The following HTATSF1 variants were observed in gnomAD, a reference collection of about 807,000 sequenced individuals.
HTATSF1 encodes 17S U2 SnRNP complex component HTATSF1.
In HTATSF1, 6 loss-of-function variants were observed where a neutral mutation model predicts 46.1. That is an observed-to-expected ratio of 0.13 (90% CI 0.07 to 0.26). The LOEUF (loss-of-function observed/expected upper bound fraction) is 0.26. HTATSF1 is among the 10% of genes least tolerant of loss of function. The pLI is 1.00. For synonymous variants in HTATSF1, 226 were observed against 211.5 expected, an observed-to-expected ratio of 1.07 and a Z score of -0.60; for missense variants, 452 against 559.9, an observed-to-expected ratio of 0.81 and a Z score of 1.94.
Position 136,511,829 on chromosome X carries a change from A to G in HTATSF1, c.2084A>G (p.Lys695Arg). Reference sequence around the variant, plus strand: ...AAGGAAGTTGAAGATGCTGACGAAAAGTTGTTCGAAGATGATGATTCCAAT... The same window carrying G: ...AAGGAAGTTGAAGATGCTGACGAAAGGTTGTTCGAAGATGATGATTCCAAT... ...DGKEVEDADE[K>R]LFEDDDSNEK... Residue 695 changes from lysine (K) to arginine (R), a missense_variant, in exon 9 of 9, where the codon AAG (lysine) becomes AGG (arginine). By Grantham distance (26) the Lys-to-Arg change is conservative. Around this residue, in one of 3 missense-constraint regions of HTATSF1, gnomAD observed 246 missense variants for 245.3 expected, o/e 1.00. Transcript: ENST00000218364. The G allele has an allele frequency of 4.1e-6, 5 of 1,211,333 alleles. No homozygotes were observed. Among genetic ancestry groups the G allele is most frequent in the Non-Finnish European group, 5.6e-6 (5 of 895,290 alleles).
chrX:136,500,473 C>T (rs1014827982), intron 3 of HTATSF1, among the ~76,000 whole-genome samples, 191 bp from the exon 4 acceptor site: 2 of 111,952 alleles, frequency 1.8e-5, no homozygotes, highest in African/African-American at 6.5e-5. Flanking sequence ...CTCAAGAAAG[C>T]ATAATTTTAA....
chrX:136,507,058 T>G (rs1280775473), intron 6 of HTATSF1, among the ~76,000 whole-genome samples: 1 of 112,124 alleles, frequency 8.9e-6, no homozygotes, highest in African/African-American at 3.2e-5. Context: ...TTGATAGAAG[T>G]GTCCAACAGG....
intron 6 of HTATSF1, among the ~76,000 whole-genome samples, chrX:136,505,208 T>C (rs765629458): frequency 1.8e-4 from 20 of 112,414 alleles, no homozygotes; most frequent in African/African-American, 5.8e-4. Flanking sequence ...TAGCAAGTTA[T>C]ACAGAGAAAA....
In HTATSF1 at chrX:136,511,938, G is replaced by A; in HGVS notation, c.2193G>A (p.Gly731=). The A allele has an allele frequency of 8.3e-7, 1 of 1,211,440 alleles. No homozygotes were observed. The highest frequency in any genetic ancestry group is 1.1e-6 in the Non-Finnish European group (1 of 895,240). The part of the protein sequence containing the change: ...SDERGTLGGF[G]SVEEGPLSTG... ...AGAGGGGGACTTTGGGTGGTTTTGG[G>A]AGTGTTGAAGAAGGGCCCCTATCCA... The change falls in exon 9 of 9, where the codon GGG becomes GGA. Residue 731 remains glycine (G), a synonymous_variant. Coordinates refer to ENST00000218364, the MANE Select transcript of HTATSF1 (RefSeq NM_014500.5).
chrX:136,504,114 G>A (rs903724464), intron 5 of HTATSF1, among the ~76,000 whole-genome samples: 12 of 111,347 alleles, frequency 1.1e-4, no homozygotes, highest in African/African-American at 3.6e-4. Context: ...CAAGTGATCC[G>A]CCCGCCTCGG....
In HTATSF1 at chrX:136,504,414, A is replaced by G; in HGVS notation, c.785A>G (p.His262Arg). 1 of 1,210,295 alleles carries G rather than the reference A, an allele frequency of 8.3e-7. No homozygotes were observed. The highest frequency in any genetic ancestry group is 1.1e-6 in the Non-Finnish European group (1 of 894,717). ...ERRAGPSRMR[H>R]ERVVIIKNMF... ...CGAGCCGGACCATCCCGGATGCGCC[A>G]TGAGCGAGTTGTCATCATCAAGAAT... The change falls in exon 6 of 9, where the codon CAT becomes CGT. Residue 262 changes from histidine (H) to arginine (R), a missense_variant. Coordinates refer to ENST00000218364, the MANE Select transcript of HTATSF1 (RefSeq NM_014500.5).
intron 6 of HTATSF1, among the ~76,000 whole-genome samples, chrX:136,506,417 GTGAGCTCCA>G (rs2075742431): frequency 9.0e-6 from 1 of 111,368 alleles, no homozygotes. Context: ...CTACTAGAAT[GTGAGCTCCA>G]TGACACCCAG....
Position 136,511,133 on chromosome X carries a change from C to T in HTATSF1, c.1388C>T (p.Pro463Leu), listed in dbSNP as rs1453215364. 1 of 1,209,140 alleles carries T rather than the reference C, an allele frequency of 8.3e-7. No individual in the cohort carries two copies. Among genetic ancestry groups the T allele is most frequent in the South Asian group, 1.8e-5 (1 of 56,384 alleles). The change falls in exon 9 of 9, where the codon CCT (proline) becomes CTT (leucine). Residue 463 changes from proline to leucine, a missense_variant. Pro to Leu is a moderately conservative substitution (Grantham distance 98). This residue lies in a region of HTATSF1 where 246 missense variants were observed against 245.3 expected (regional missense o/e 1.00). Transcript: ENST00000218364. The part of the protein sequence containing the change: ...SPEKEAEEGC[P>L]EKESEEGCPK... ...GAAAAAGAGGCTGAAGAAGGCTGCC[C>T]TGAAAAAGAATCTGAAGAGGGCTGC...
chrX:136,511,014 A>G lies in HTATSF1; in HGVS notation c.1269A>G (p.Glu423=), dbSNP rs1877919738. 1 of 1,211,346 alleles carries G rather than the reference A, an allele frequency of 8.3e-7. No individual in the cohort carries two copies. The highest frequency in any genetic ancestry group is 1.7e-5 in the African/African-American group (1 of 57,788). Residue 423 remains glutamate, a synonymous_variant, in exon 9 of 9, where the codon GAA becomes GAG. Coordinates refer to ENST00000218364, the MANE Select transcript of HTATSF1 (RefSeq NM_014500.5). ...AQETATGMAF[E]EPIDEKKFEK... is the part of the protein sequence containing the mutation. ...AAACTGCAACTGGAATGGCGTTTGA[A>G]GAACCTATAGATGAGAAGAAGTTTG... is the stretch of plus-strand genomic sequence containing the variant.
intron 4 of HTATSF1, among the ~76,000 whole-genome samples, chrX:136,501,862 T>C (rs1227171934): frequency 8.9e-6 from 1 of 111,918 alleles, no homozygotes; most frequent in Non-Finnish European, 1.9e-5. Context: ...TTGAGGGTTT[T>C]ATAAGTTCTT....
chrX:136,509,813 A>G (rs1012424864), intron 7 of HTATSF1, among the ~76,000 whole-genome samples: 9 of 112,113 alleles, frequency 8.0e-5, no homozygotes, highest in African/African-American at 2.9e-4. Context: ...ACTCTTAACA[A>G]TTATACTGTC....
chrX:136,510,996 A>C lies in HTATSF1; in HGVS notation c.1251A>C (p.Ala417=). Residue 417 remains alanine, a synonymous_variant, in exon 9 of 9, where the codon GCA becomes GCC. Coordinates refer to ENST00000218364, the MANE Select transcript of HTATSF1 (RefSeq NM_014500.5). ...CTAAAATGAATGCTCAAGAAACTGC[A>C]ACTGGAATGGCGTTTGAAGAACCTA... The part of the protein sequence containing the change: ...STSKMNAQET[A]TGMAFEEPID... The C allele has an allele frequency of 8.3e-7, 1 of 1,211,763 alleles. No individual in the cohort carries two copies. Among genetic ancestry groups the C allele is most frequent in the Non-Finnish European group, 1.1e-6 (1 of 895,383 alleles).
At chrX:136,497,539 G>C, upstream of HTATSF1, 2 of 390,461 alleles carry the variant, frequency 5.1e-6, no homozygotes, top group East Asian at 8.7e-5. Flanking sequence ...CGATTTCCCG[G>C]GGACTGCTGG....
intron 3 of HTATSF1, 130 bp downstream of exon 3, chrX:136,500,335 T>C (rs1480219375): frequency 1.9e-6 from 1 of 514,782 alleles, no homozygotes; most frequent in African/African-American, 2.4e-5. Context: ...TGTTCAGCCA[T>C]TTATATTAGT....
intron 6 of HTATSF1, 126 bp from the exon 7 acceptor site, chrX:136,508,965 A>C: frequency 2.0e-6 from 1 of 494,919 alleles, no homozygotes. Context: ...AATTGTATAG[A>C]ATGAAAAACA....
At chrX:136,497,237 A>G (rs945319732), upstream of HTATSF1, 1 of 111,372 alleles carries the variant, frequency 9.0e-6, no homozygotes, top group African/African-American at 3.2e-5. Context: ...GCGACCCGCG[A>G]CGTCGCCACG....
At position 136,509,129 on chromosome X, in the gene HTATSF1, T is replaced by G. The variant is rs1441130001; in HGVS notation, c.873T>G (p.Leu291=). 8.3e-7 allele frequency: 1 copy of G among 1,209,032 alleles called. No individual in the cohort carries two copies. Residue 291 remains leucine, a synonymous_variant, in exon 7 of 9, where the codon CTT becomes CTG. Coordinates refer to ENST00000218364, the MANE Select transcript of HTATSF1 (RefSeq NM_014500.5). ...PLVLNEIRED[L]RVECSKFGQI... ...TGCTGAATGAGATCAGAGAAGACCT[T>G]CGAGTAGAGTGTTCGAAGTTTGGAC...
chrX:136,506,608 C>T (rs767324305), intron 6 of HTATSF1, among the ~76,000 whole-genome samples: 4 of 112,782 alleles, frequency 3.5e-5, no homozygotes, highest in Non-Finnish European at 5.6e-5. Flanking sequence ...ATTTTCTCTT[C>T]AGCATCTTTG....
At chrX:136,510,552 G>T (rs991632420) in intron 8 of HTATSF1, among the ~76,000 whole-genome samples, 1 of 112,123 alleles carries the variant, frequency 8.9e-6, no homozygotes, top group Non-Finnish European at 1.9e-5. Context: ...TATAGACAGA[G>T]CTCAAATATT....
Sources: allele counts gnomAD v4.1 joint callset (sites outside exome capture counted in the v4.1 genomes callset), GRCh38; gene constraint gnomAD v4.1.1; regional missense constraint gnomAD v4.1.1; transcripts MANE v1.5; gene names NCBI Gene and HGNC (gene_info 2026-07-23, HGNC 2026-07-21).